FPR3: variants seen among roughly 807,000 people sequenced by gnomAD.
The protein encoded by FPR3 is formyl peptide receptor 3.
For missense variants in FPR3, 346 were observed against 443.2 expected (o/e 0.78, Z 1.97); for synonymous variants, 135 against 163.6 (o/e 0.83, Z 1.34).
chr19:51,809,958 T>C (rs184761261), intron 1 of FPR3, among the ~76,000 whole-genome samples: 129 of 152,302 alleles, frequency 8.5e-4, no homozygotes, highest in Non-Finnish European at 1.5e-3. Context: ...GCCATTCTGA[T>C]GAAATTTTGA....
intron 1 of FPR3, among the ~76,000 whole-genome samples, chr19:51,800,291 G>A (rs1057091862): frequency 1.3e-5 from 2 of 152,312 alleles, no homozygotes; most frequent in Admixed American, 1.3e-4. Flanking sequence ...CTGCCTACAA[G>A]GCCAGTGCAA....
Position 51,795,182 on chromosome 19 carries a change from A to G in FPR3, c.-160A>G, listed in dbSNP as rs773585820. 6.6e-6 allele frequency: 1 copy of G among 152,202 alleles called. No homozygotes were observed. The highest frequency in any genetic ancestry group is 1.5e-5 in the Non-Finnish European group (1 of 68,036). 9.4% of individuals were successfully genotyped at this position (152,202 alleles called of 1,614,324 possible). ...CAAAACACTCATTTTGTTTTATAGC[A>G]TGACAGGCTGTCTGATTCCATCTTT... is the stretch of plus-strand genomic sequence containing the variant. On this transcript the variant is annotated 5_prime_UTR_variant, in exon 1 of 2. It removes an upstream start codon present in the reference 5' UTR. Transcript: ENST00000339223.
chr19:51,810,271 C>T (rs1049764637), intron 1 of FPR3, among the ~76,000 whole-genome samples: 12 of 152,204 alleles, frequency 7.9e-5, no homozygotes, highest in African/African-American at 2.9e-4. Context: ...TTTTTATACA[C>T]CTCACCAGTG....
intron 1 of FPR3, among the ~76,000 whole-genome samples, chr19:51,820,970 T>A (rs1467815744): frequency 6.6e-6 from 1 of 152,164 alleles, no homozygotes; most frequent in East Asian, 1.9e-4. Flanking sequence ...TGAGTAATGT[T>A]CATAAGTAGT....
rs114625014 is a variant in FPR3, at chr19:51,802,037, G to A, written c.-11+6706G>A. On this transcript the variant is annotated intron_variant, in intron 1 of 1. Transcript: ENST00000339223. ...CACTTACAAATTGGCTTGATCAAATGAGGCCCCTTAGTCCCCCAGTTAAGA... is the reference window on the plus strand; with the variant it reads ...CACTTACAAATTGGCTTGATCAAATAAGGCCCCTTAGTCCCCCAGTTAAGA... Among the ~76,000 whole-genome samples the A allele has an allele frequency of 1.7e-3, 266 of 152,200 alleles. 1 individual carries two copies. Among genetic ancestry groups the A allele is most frequent in the African/African-American group, 5.9e-3 (246 of 41,538 alleles).
chr19:51,799,879 C>T lies in FPR3; in HGVS notation c.-11+4548C>T, dbSNP rs566896596. ...GGTAGTGGTCCGGCCTGTATTGGCT[C>T]TAAGTAGCAAAGTACTGGCCTCCAG... On this transcript the variant is annotated intron_variant, in intron 1 of 1. Coordinates refer to ENST00000339223, the MANE Select transcript of FPR3 (RefSeq NM_002030.5). Among the ~76,000 whole-genome samples the T allele has an allele frequency of 8.4e-4, 128 of 152,348 alleles. 2 individuals carry two copies. The South Asian group carries it at 0.012, about 14-fold the overall frequency.
chr19:51,807,131 C>G (rs1422124231), intron 1 of FPR3, among the ~76,000 whole-genome samples: 1 of 152,152 alleles, frequency 6.6e-6, no homozygotes, highest in Non-Finnish European at 1.5e-5. Context: ...AAGAAGCGGT[C>G]AGGGGGCAGC....
intron 1 of FPR3, among the ~76,000 whole-genome samples, chr19:51,796,813 G>A (rs1272645526): frequency 6.6e-6 from 1 of 152,218 alleles, no homozygotes; most frequent in African/African-American, 2.4e-5. Flanking sequence ...GTGAGGTTTG[G>A]AGTCTATGGG....
chr19:51,811,796 G>A (rs112689430), intron 1 of FPR3: 1,984 of 148,734 alleles, frequency 0.013, 50 homozygotes, highest in African/African-American at 0.047. Flanking sequence ...GAGGCGACTC[G>A]CCCTCAGCAA....
intron 1 of FPR3, among the ~76,000 whole-genome samples, chr19:51,822,609 A>T (rs2084198586): frequency 6.6e-6 from 1 of 152,222 alleles, no homozygotes; most frequent in Admixed American, 6.5e-5. Flanking sequence ...AACTACAAAC[A>T]ATGAATATTA....
At position 51,824,382 on chromosome 19, in the gene FPR3, G is replaced by A. The variant is rs781711295; in HGVS notation, c.634G>A (p.Val212Met). 1.8e-5 allele frequency: 29 copies of A among 1,613,962 alleles called. No homozygotes were observed. The highest frequency in any genetic ancestry group is 2.7e-5 in the African/African-American group (2 of 74,916). ...LILHFIIGFS[V>M]PMSIITVCYG... ...CCTCCACTTCATTATTGGCTTCAGC[G>A]TGCCTATGTCCATCATCACAGTCTG... The change falls in exon 2 of 2, where the codon GTG (valine) becomes ATG (methionine). Residue 212 changes from valine to methionine, a missense_variant. Val to Met is a conservative substitution (Grantham distance 21). Transcript: ENST00000339223. The surrounding 1 kb of genome is among the most constrained non-coding windows in gnomAD (Gnocchi z 4.7).
chr19:51,803,360 TTC>T (rs1273877457), intron 1 of FPR3, among the ~76,000 whole-genome samples: 1 of 152,176 alleles, frequency 6.6e-6, no homozygotes, highest in Non-Finnish European at 1.5e-5. Flanking sequence ...TTACCTTGCT[TTC>T]TCCACAAAAA....
At chr19:51,799,244 TCTGTGAATA>T (rs1480470207) in intron 1 of FPR3, among the ~76,000 whole-genome samples, 1 of 151,920 alleles carries the variant, frequency 6.6e-6, no homozygotes, top group Non-Finnish European at 1.5e-5. Context: ...CCTCCCGGGG[TCTGTGAATA>T]CTAAAACCTC....
intron 1 of FPR3, among the ~76,000 whole-genome samples, chr19:51,800,659 G>A (rs1489318190): frequency 6.6e-6 from 1 of 152,166 alleles, no homozygotes; most frequent in African/African-American, 2.4e-5. Context: ...CTCATGGCCC[G>A]AAACCCCATG....
At chr19:51,821,809 C>T (rs2084192000) in intron 1 of FPR3, among the ~76,000 whole-genome samples, 1 of 151,726 alleles carries the variant, frequency 6.6e-6, no homozygotes, top group Non-Finnish European at 1.5e-5. Context: ...ACCCCAAGGC[C>T]ATGAATTCCC....
At chr19:51,803,285 A>G (rs1410920999) in intron 1 of FPR3, among the ~76,000 whole-genome samples, 1 of 152,190 alleles carries the variant, frequency 6.6e-6, no homozygotes, top group Non-Finnish European at 1.5e-5. Context: ...ACTTCAATAC[A>G]GTACTCTCAC....
Position 51,824,783 on chromosome 19 carries a change from TGAG to T in FPR3, c.1039_1041del (p.Glu347del). On this transcript the variant is annotated inframe_deletion, in exon 2 of 2. Transcript: ENST00000339223. The surrounding 1 kb of genome is among the most constrained non-coding windows in gnomAD (Gnocchi z 4.7). ...CAGACACCACTTCTGCTTCACCTCCTGAGGAGACGGAGTTACAAGCAATGTGAG... is the reference window on the plus strand; with the variant it reads ...CAGACACCACTTCTGCTTCACCTCCTGAGACGGAGTTACAAGCAATGTGAG... The T allele has an allele frequency of 6.2e-7, 1 of 1,613,062 alleles. No homozygotes were observed. The highest frequency in any genetic ancestry group is 1.3e-5 in the African/African-American group (1 of 74,998).
chr19:51,824,889 C>T lies in FPR3; in HGVS notation c.*79C>T. The T allele has an allele frequency of 9.1e-7, 1 of 1,095,326 alleles. No homozygotes were observed. Among genetic ancestry groups the T allele is most frequent in the African/African-American group, 1.6e-5 (1 of 62,744 alleles). 67.9% of individuals were successfully genotyped at this position (1,095,326 alleles called of 1,614,324 possible). A position where few individuals can be genotyped will look rare whatever the true frequency, so the allele number is the denominator to read the frequency against. On this transcript the variant is annotated 3_prime_UTR_variant, in exon 2 of 2. Coordinates refer to ENST00000339223, the MANE Select transcript of FPR3 (RefSeq NM_002030.5). The surrounding 1 kb of genome is among the most constrained non-coding windows in gnomAD (Gnocchi z 4.7). ...AAAAAATTCTGACAGTGTTTTTCTT[C>T]CTCTTTCATACCACCACCACCACAA...
Position 51,823,977 on chromosome 19 carries a change from A to G in FPR3, c.229A>G (p.Ile77Val), listed in dbSNP as rs761856901. 1.4e-5 allele frequency: 22 copies of G among 1,613,948 alleles called. No homozygotes were observed. In the Admixed American group the frequency reaches 3.5e-4, roughly 26 times the overall value. The change falls in exon 2 of 2, where the codon ATC becomes GTC. Residue 77 changes from isoleucine to valine, a missense_variant. Ile to Val is a conservative substitution (Grantham distance 29). Transcript: ENST00000339223. ...LALADFSFSA[I>V]LPFRMVSVAM... ...CCTAGCTGACTTCTCTTTCAGTGCC[A>G]TCCTACCATTCCGAATGGTCTCAGT...
Sources: gnomAD v4.1 joint callset for allele counts (sites outside exome capture counted in the v4.1 genomes callset) on GRCh38, gnomAD v4.1.1 for gene constraint, Gnocchi (gnomAD v3.1) non-coding constraint, MANE v1.5 for transcripts, NCBI Gene and HGNC (gene_info 2026-07-23, HGNC 2026-07-21) for gene names.